Variants in NADSYN1 observed in about 807,000 individuals in gnomAD.
NADSYN1 encodes glutamine-dependent NAD(+) synthetase.
In NADSYN1, 80 loss-of-function variants were observed where a neutral mutation model predicts 99.3. The observed-to-expected ratio is 0.81, with a 90% CI of 0.67 to 0.97. The LOEUF (loss-of-function observed/expected upper bound fraction) is 0.97, where lower values mean the gene tolerates loss of function less well. Ranked by LOEUF, NADSYN1 falls within the 50% of genes least tolerant of loss-of-function variation. The probability of loss-of-function intolerance (pLI) is 0.00; values close to 1 mark genes in which losing one functional copy is unlikely to be tolerated. For missense variants in NADSYN1, 859 were observed against 948.5 expected (o/e 0.91, Z 1.24); for synonymous variants, 385 against 372.1 (o/e 1.03, Z -0.40).
intron 3 of NADSYN1, chr11:71,458,992 G>A (rs1410429143): frequency 4.4e-5 from 8 of 181,032 alleles, no homozygotes; most frequent in South Asian, 1.0e-4. Flanking sequence ...CTGCATCGCC[G>A]GTCCTTATGG....
intron 3 of NADSYN1, among the ~76,000 whole-genome samples, chr11:71,461,240 T>C (rs932222004): frequency 3.9e-5 from 6 of 152,192 alleles, no homozygotes; most frequent in Admixed American, 2.0e-4. Flanking sequence ...GAGTTTGTTC[T>C]AGTGGCTTAC....
In NADSYN1 at chr11:71,473,527, G is replaced by A. The variant is rs117206760; in HGVS notation, c.549-42G>A. 7.4e-4 allele frequency: 1,169 copies of A among 1,573,292 alleles called. 13 individuals are homozygous for A. The East Asian group carries it at 0.019, about 26-fold the overall frequency. On this transcript the variant is annotated intron_variant, in intron 7 of 20. Coordinates refer to ENST00000319023, the MANE Select transcript of NADSYN1 (RefSeq NM_018161.5). ...GGGCTGCCAGGGAGGCTGGTTTGGA[G>A]GAGTCTGGTGGCCTGTTCTCTTCAC...
intron 9 of NADSYN1, among the ~76,000 whole-genome samples, chr11:71,477,939 G>A (rs1451938603): frequency 2.0e-5 from 3 of 152,230 alleles, no homozygotes; most frequent in African/African-American, 7.2e-5. Context: ...GCAGCAAAGT[G>A]GCCTTGGCTC....
At chr11:71,485,428 G>A (rs1949735630) in intron 15 of NADSYN1, 114 bp from the exon 16 acceptor site, 2 of 785,922 alleles carry the variant, frequency 2.5e-6, no homozygotes, top group Non-Finnish European at 4.0e-6. Context: ...TTCCCCGAAC[G>A]CTAGAGAGCT....
chr11:71,497,143 G>A (rs1254960384), intron 18 of NADSYN1: 8 of 299,974 alleles, frequency 2.7e-5, no homozygotes, highest in Non-Finnish European at 4.5e-5. Context: ...CTCCCAAAGT[G>A]CTGGGATTAC....
chr11:71,490,137 A>C (rs919527535), intron 16 of NADSYN1, among the ~76,000 whole-genome samples: 4 of 151,996 alleles, frequency 2.6e-5, no homozygotes, highest in Non-Finnish European at 5.9e-5. Flanking sequence ...CCCTGGAGAG[A>C]ATCTGTTTCC....
intron 16 of NADSYN1, 66 bp downstream of exon 16, chr11:71,485,714 G>A (rs983221490): frequency 1.2e-5 from 14 of 1,176,208 alleles, no homozygotes; most frequent in African/African-American, 4.7e-5. Flanking sequence ...AAGGTGATAC[G>A]CTGTGAGATT....
chr11:71,491,253 C>T (rs1949777002), intron 17 of NADSYN1, among the ~76,000 whole-genome samples: 1 of 152,276 alleles, frequency 6.6e-6, no homozygotes, highest in African/African-American at 2.4e-5. Context: ...CGATGCTTGG[C>T]AGGCCGAGGC....
chr11:71,474,677 G>A, intron 9 of NADSYN1, 151 bp downstream of exon 9: 1 of 1,017,598 alleles, frequency 9.8e-7, no homozygotes, highest in Non-Finnish European at 1.5e-6. Context: ...CTGTAAGCCG[G>A]GCGCTTAGTG....
chr11:71,474,143 G>A (rs1292334291), intron 8 of NADSYN1, among the ~76,000 whole-genome samples: 1 of 152,222 alleles, frequency 6.6e-6, no homozygotes, highest in African/African-American at 2.4e-5. Context: ...TGAGGGAGGT[G>A]ATGGGGTCTG....
chr11:71,473,724 A>G (rs1205150560), intron 8 of NADSYN1, 38 bp downstream of exon 8: 2 of 1,433,246 alleles, frequency 1.4e-6, no homozygotes, highest in Non-Finnish European at 2.0e-6. Context: ...CACAGGGCAG[A>G]CACTGTATCT....
At chr11:71,492,148 C>T (rs1373740462) in intron 18 of NADSYN1, among the ~76,000 whole-genome samples, 3 of 152,240 alleles carry the variant, frequency 2.0e-5, no homozygotes, top group Admixed American at 6.5e-5. Flanking sequence ...GAGCAGATGG[C>T]GGGCGGAGGA....
At chr11:71,497,184 C>T (rs1487494446) in intron 18 of NADSYN1, 6 of 386,464 alleles carry the variant, frequency 1.6e-5, no homozygotes, top group African/African-American at 4.1e-5. Flanking sequence ...AGCCTACACT[C>T]TTTTTCCAAA....
chr11:71,465,116 G>A (rs1022570054), intron 5 of NADSYN1, among the ~76,000 whole-genome samples: 1 of 152,080 alleles, frequency 6.6e-6, no homozygotes, highest in Non-Finnish European at 1.5e-5. Flanking sequence ...GCAGAGAAGG[G>A]GCTGTCTGCA....
chr11:71,453,226 G>A lies in NADSYN1; in HGVS notation c.-71G>A. 7.1e-7 allele frequency: 1 copy of A among 1,412,736 alleles called. No individual in the cohort carries two copies. Among genetic ancestry groups the A allele is most frequent in the Non-Finnish European group, 9.8e-7 (1 of 1,016,822 alleles). 87.5% of individuals were successfully genotyped at this position (1,412,736 alleles called of 1,614,324 possible). On this transcript the variant is annotated 5_prime_UTR_variant, in exon 1 of 21. Transcript: ENST00000319023. ...GCAACCCGGAAGGTCCGGCGTCCCAGCCGCCTACCTCGCTGGGACCCTGGT... is the reference window on the plus strand; with the variant it reads ...GCAACCCGGAAGGTCCGGCGTCCCAACCGCCTACCTCGCTGGGACCCTGGT...
intron 10 of NADSYN1, chr11:71,479,824 CT>C (rs1949693079): frequency 6.6e-6 from 1 of 152,268 alleles, no homozygotes; most frequent in Admixed American, 6.5e-5. Flanking sequence ...AGTCGGCCCT[CT>C]GTATCCATGG....
intron 16 of NADSYN1, among the ~76,000 whole-genome samples, 159 bp downstream of exon 16, chr11:71,485,807 A>G (rs538089572): frequency 6.6e-6 from 1 of 152,122 alleles, no homozygotes; most frequent in Non-Finnish European, 1.5e-5. Flanking sequence ...CGAGTGGCAG[A>G]GCGGATCAGC....
intron 18 of NADSYN1, among the ~76,000 whole-genome samples, chr11:71,493,017 A>G (rs889921052): frequency 8.6e-5 from 13 of 151,958 alleles, no homozygotes; most frequent in Admixed American, 3.3e-4. Flanking sequence ...CCTCCGGAGT[A>G]GCTGGGATTA....
In NADSYN1 at chr11:71,482,672, G is replaced by C. The variant is rs1425141443; in HGVS notation, c.1151-177G>C. 5.0e-5 allele frequency: 26 copies of C among 524,236 alleles called. 2 individuals are homozygous for C. Among genetic ancestry groups the C allele is most frequent in the Non-Finnish European group, 8.5e-5 (25 of 295,596 alleles). 32.5% of individuals were successfully genotyped at this position (524,236 alleles called of 1,614,324 possible). ...GCACAGGCACCTGGGGGTGTAGACT[G>C]GGGTGGAGCCGCACAGGCACCTGGG... On this transcript the variant is annotated intron_variant, in intron 13 of 20. Coordinates refer to ENST00000319023, the MANE Select transcript of NADSYN1 (RefSeq NM_018161.5).
Sources: allele counts gnomAD v4.1 joint callset (sites outside exome capture counted in the v4.1 genomes callset), GRCh38; gene constraint gnomAD v4.1.1; transcripts MANE v1.5; gene names NCBI Gene and HGNC (gene_info 2026-07-23, HGNC 2026-07-21).